The following DPF3 variants were observed in gnomAD, a reference collection of about 807,000 sequenced individuals.
The protein encoded by DPF3 is double PHD fingers 3.
Under a neutral mutation model 56.8 loss-of-function variants are expected in DPF3, and 18 were observed. The observed-to-expected ratio is 0.32, with a 90% CI of 0.22 to 0.47. The LOEUF (loss-of-function observed/expected upper bound fraction) is 0.47. DPF3 is among the 20% of genes least tolerant of loss of function. The probability of loss-of-function intolerance (pLI) is 1.00; values close to 1 mark genes in which losing one functional copy is unlikely to be tolerated. For missense variants in DPF3, 403 were observed against 488.8 expected, an observed-to-expected ratio of 0.82 and a Z score of 1.65; for synonymous variants, 188 against 180.2, an observed-to-expected ratio of 1.04 and a Z score of -0.35.
chr14:72,744,607 T>C (rs980653491), intron 3 of DPF3, among the ~76,000 whole-genome samples: 1 of 152,040 alleles, frequency 6.6e-6, no homozygotes, highest in Non-Finnish European at 1.5e-5. Context: ...CCAACAGCCC[T>C]CAAGATTCTT....
chr14:72,732,145 C>T (rs949459233), intron 3 of DPF3, among the ~76,000 whole-genome samples: 1 of 152,192 alleles, frequency 6.6e-6, no homozygotes, highest in African/African-American at 2.4e-5. Flanking sequence ...TGCCCACACC[C>T]CCAGAGGAAG....
rs572227765 is a variant in DPF3, at chr14:72,883,043, T to C, written c.32+11014A>G. Among the ~76,000 whole-genome samples, 7 of 152,194 alleles carry C rather than the reference T, an allele frequency of 4.6e-5. No homozygotes were observed. In the East Asian group the frequency reaches 1.4e-3, roughly 29 times the overall value. ...CATGTTGGTTGTGGGATGAAGGAAC[T>C]CCAAAGAGGATGAGAGAGTTCTCGT... On this transcript the variant is annotated intron_variant, in intron 1 of 10. Transcript: ENST00000556509.
chr14:72,612,493 T>C lies in DPF3; in HGVS notation c.*6804A>G, dbSNP rs1225720834. The C allele has an allele frequency of 1.9e-6, 1 of 518,302 alleles. No individual in the cohort carries two copies. Among genetic ancestry groups the C allele is most frequent in the Non-Finnish European group, 3.8e-6 (1 of 259,752 alleles). The allele number at this position is 518,302 out of a possible 1,614,324, so 32.1% of individuals were successfully genotyped here. A position where few individuals can be genotyped will look rare whatever the true frequency, so the allele number is the denominator to read the frequency against. On this transcript the variant is annotated 3_prime_UTR_variant, in exon 11 of 11. Transcript: ENST00000556509. ...CTACATGTTGAAAATGTGCACGGGG[T>C]ATATTTTCTTTTTCCTATACGCCAC...
At chr14:72,835,718 ACT>A (rs1884263314) in intron 1 of DPF3, among the ~76,000 whole-genome samples, 1 of 151,812 alleles carries the variant, frequency 6.6e-6, no homozygotes, top group Non-Finnish European at 1.5e-5. Flanking sequence ...CTGGCTACTC[ACT>A]CTGTGCTCGG....
intron 1 of DPF3, among the ~76,000 whole-genome samples, chr14:72,803,416 G>A (rs750988165): frequency 1.3e-5 from 2 of 152,226 alleles, no homozygotes; most frequent in Non-Finnish European, 2.9e-5. Flanking sequence ...GGAGAAACAA[G>A]AAACAGATAT....
chr14:72,768,933 C>CTGTG (rs10543093), intron 2 of DPF3, among the ~76,000 whole-genome samples: 4,705 of 146,466 alleles, frequency 0.032, 86 homozygotes, highest in African/African-American at 0.035. Flanking sequence ...GTGTGAGTGT[C>CTGTG]TGTGTGTGTG....
intron 1 of DPF3, among the ~76,000 whole-genome samples, chr14:72,790,821 A>C (rs4903060): frequency 6.6e-6 from 1 of 152,124 alleles, no homozygotes; most frequent in Non-Finnish European, 1.5e-5. Context: ...CAAGAGCCCC[A>C]TCGCCTCTTT....
chr14:72,812,254 T>A (rs1883081156), intron 1 of DPF3, among the ~76,000 whole-genome samples: 1 of 150,276 alleles, frequency 6.7e-6, no homozygotes, highest in African/African-American at 2.4e-5. Flanking sequence ...GCCCCCAGCC[T>A]CTCCCATCCC....
At chr14:72,791,873 G>A (rs1892448173) in intron 1 of DPF3, among the ~76,000 whole-genome samples, 1 of 152,156 alleles carries the variant, frequency 6.6e-6, no homozygotes, top group Admixed American at 6.5e-5. Flanking sequence ...CGATCCCTTT[G>A]AATGACAGGA....
chr14:72,613,977 C>A lies in DPF3; in HGVS notation c.*5320G>T, dbSNP rs2153565153. ...CCCATCTTCCTCTCCCCTCCTTCCC[C>A]CTGCCCCACTCTCAGCTGTCCACTC... On this transcript the variant is annotated 3_prime_UTR_variant, in exon 11 of 11. Coordinates refer to ENST00000556509, the MANE Select transcript of DPF3 (RefSeq NM_001280542.3). Among the ~76,000 whole-genome samples the A allele has an allele frequency of 6.6e-6, 1 of 152,258 alleles. No individual in the cohort carries two copies. The highest frequency in any genetic ancestry group is 2.1e-4 in the South Asian group (1 of 4,824).
chr14:72,797,826 T>G (rs528919123), intron 1 of DPF3, among the ~76,000 whole-genome samples: 2 of 152,344 alleles, frequency 1.3e-5, no homozygotes, highest in Admixed American at 6.5e-5. Context: ...CTGGGAGACC[T>G]TGCTAATTCT....
chr14:72,635,846 A>T (rs1885368268), intron 8 of DPF3, among the ~76,000 whole-genome samples: 1 of 152,204 alleles, frequency 6.6e-6, no homozygotes, highest in South Asian at 2.1e-4. Flanking sequence ...CACATCACTG[A>T]TTGAATTAGG....
At chr14:72,733,461 G>T (rs1408742916) in intron 3 of DPF3, among the ~76,000 whole-genome samples, 1 of 152,126 alleles carries the variant, frequency 6.6e-6, no homozygotes, top group Non-Finnish European at 1.5e-5. Context: ...TTTTTGGAGG[G>T]ACAGAGGGAG....
intron 6 of DPF3, among the ~76,000 whole-genome samples, chr14:72,702,472 T>C (rs1349006066): frequency 1.3e-5 from 2 of 152,120 alleles, no homozygotes; most frequent in Admixed American, 1.3e-4. Flanking sequence ...CACACCTTCA[T>C]AATCACTCTG....
intron 8 of DPF3, chr14:72,661,272 C>T: frequency 1.0e-6 from 1 of 985,404 alleles, no homozygotes; most frequent in Non-Finnish European, 1.2e-6. Flanking sequence ...CGGTGATCCC[C>T]TCCACCAACA....
intron 1 of DPF3, among the ~76,000 whole-genome samples, chr14:72,838,524 T>A (rs1884396931): frequency 1.3e-5 from 2 of 151,510 alleles, no homozygotes; most frequent in Admixed American, 1.3e-4. Flanking sequence ...AAGACAGCAG[T>A]CCATTCACAC....
At chr14:72,625,883 A>G (rs1298008707) in intron 9 of DPF3, among the ~76,000 whole-genome samples, 1 of 152,206 alleles carries the variant, frequency 6.6e-6, no homozygotes, top group African/African-American at 2.4e-5. Context: ...ATTAGTCACA[A>G]TACACAGTCA....
intron 1 of DPF3, among the ~76,000 whole-genome samples, chr14:72,865,274 C>T (rs913387806): frequency 1.3e-5 from 2 of 152,120 alleles, no homozygotes; most frequent in Non-Finnish European, 2.9e-5. Context: ...AACTTACTTT[C>T]GGAGAGGAAA....
At chr14:72,773,221 C>A (rs1567228394) in intron 1 of DPF3, among the ~76,000 whole-genome samples, 1 of 151,172 alleles carries the variant, frequency 6.6e-6, no homozygotes, top group Non-Finnish European at 1.5e-5. Flanking sequence ...CAACCTCCAC[C>A]TCCTGGGTTC....
Sources: allele counts gnomAD v4.1 joint callset (sites outside exome capture counted in the v4.1 genomes callset), GRCh38; gene constraint gnomAD v4.1.1; transcripts MANE v1.5; gene names NCBI Gene and HGNC (gene_info 2026-07-23, HGNC 2026-07-21).